PDE6A: variants seen among roughly 807,000 people sequenced by gnomAD.
The protein encoded by PDE6A is phosphodiesterase 6A.
Under a neutral mutation model 106.3 loss-of-function variants are expected in PDE6A, and 84 were observed. The observed-to-expected ratio is 0.79, with a 90% CI of 0.66 to 0.95. The LOEUF (loss-of-function observed/expected upper bound fraction) is 0.95. Ranked by LOEUF, PDE6A falls within the 40% of genes least tolerant of loss-of-function variation. The probability of loss-of-function intolerance (pLI) is 0.00; values close to 1 mark genes in which losing one functional copy is unlikely to be tolerated. For synonymous variants in PDE6A, 394 were observed against 386.6 expected, an observed-to-expected ratio of 1.02 and a Z score of -0.23; for missense variants, 1,052 against 1,084.9, an observed-to-expected ratio of 0.97 and a Z score of 0.43.
intron 7 of PDE6A, among the ~76,000 whole-genome samples, chr5:149,906,020 G>A (rs1250873171): frequency 6.6e-6 from 1 of 151,908 alleles, no homozygotes; most frequent in Admixed American, 6.6e-5. Flanking sequence ...ACCATGCCTG[G>A]CTAATTTTTA....
intron 4 of PDE6A, among the ~76,000 whole-genome samples, chr5:149,926,256 A>C (rs1364284887): frequency 6.6e-6 from 1 of 152,214 alleles, no homozygotes; most frequent in Non-Finnish European, 1.5e-5. Context: ...AAAAAAATTA[A>C]TTAAAAAAAA....
chr5:149,933,589 G>A (rs1358685526), intron 3 of PDE6A, among the ~76,000 whole-genome samples: 2 of 152,162 alleles, frequency 1.3e-5, no homozygotes, highest in South Asian at 4.1e-4. Context: ...GCATTATCTC[G>A]TTTACTATTG....
At chr5:149,902,814 T>G (rs1285521736) in intron 8 of PDE6A, among the ~76,000 whole-genome samples, 1 of 136,790 alleles carries the variant, frequency 7.3e-6, no homozygotes, top group Non-Finnish European at 1.6e-5. Context: ...AGAGCGAGAC[T>G]CCGTCTCAAA....
intron 17 of PDE6A, among the ~76,000 whole-genome samples, chr5:149,869,779 C>A (rs1000885909): frequency 1.3e-5 from 2 of 152,074 alleles, no homozygotes. Flanking sequence ...AGCAGGAGGG[C>A]AGGAGAGCTG....
chr5:149,888,944 A>G (rs1446044101), intron 13 of PDE6A, among the ~76,000 whole-genome samples: 11 of 151,716 alleles, frequency 7.3e-5, no homozygotes, highest in South Asian at 6.2e-4. Context: ...TTAGCCAGGC[A>G]TGGTGGCGGG....
chr5:149,871,485 G>A (rs1246470077), intron 17 of PDE6A, among the ~76,000 whole-genome samples: 1 of 152,066 alleles, frequency 6.6e-6, no homozygotes, highest in East Asian at 1.9e-4. Context: ...TGTAGGATGT[G>A]TAACCATTTA....
intron 4 of PDE6A, among the ~76,000 whole-genome samples, chr5:149,928,231 A>ATATATATAT: frequency 5.1e-5 from 1 of 19,746 alleles, no homozygotes; most frequent in Non-Finnish European, 8.3e-5. Context: ...ATATATATAT[A>ATATATATAT]TTTTTTTTTT....
intron 17 of PDE6A, among the ~76,000 whole-genome samples, chr5:149,880,674 C>T (rs537494068): frequency 6.6e-6 from 1 of 152,066 alleles, no homozygotes; most frequent in East Asian, 1.9e-4. Context: ...GATTGCATTC[C>T]ATCCTGGGCA....
intron 17 of PDE6A, 128 bp from the exon 18 acceptor site, chr5:149,868,286 T>C (rs2113509333): frequency 1.2e-6 from 1 of 868,230 alleles, no homozygotes. Context: ...AGGAAAGGGC[T>C]CACCCCCATT....
intron 4 of PDE6A, among the ~76,000 whole-genome samples, chr5:149,924,656 TA>T (rs2113646236): frequency 6.6e-6 from 1 of 152,324 alleles, no homozygotes; most frequent in South Asian, 2.1e-4. Context: ...CTGGAAAAAT[TA>T]CACCATCTGG....
intron 18 of PDE6A, 94 bp from the exon 19 acceptor site, chr5:149,867,893 A>G: frequency 7.6e-7 from 1 of 1,312,652 alleles, no homozygotes; most frequent in Non-Finnish European, 1.1e-6. Flanking sequence ...AAATCAACAA[A>G]AAGGATAAAC....
chr5:149,906,621 C>G (rs1451187632), intron 7 of PDE6A, among the ~76,000 whole-genome samples: 1 of 151,130 alleles, frequency 6.6e-6, no homozygotes, highest in Non-Finnish European at 1.5e-5. Flanking sequence ...TGCTGTCTTC[C>G]TGTCTCAAAT....
At chr5:149,877,809 C>A (rs1436503029) in intron 17 of PDE6A, among the ~76,000 whole-genome samples, 1 of 152,196 alleles carries the variant, frequency 6.6e-6, no homozygotes, top group Non-Finnish European at 1.5e-5. Context: ...GGTCCATTTA[C>A]ACATGAATTT....
intron 5 of PDE6A, among the ~76,000 whole-genome samples, chr5:149,919,703 A>G (rs1391645963): frequency 1.3e-5 from 2 of 152,190 alleles, no homozygotes; most frequent in Admixed American, 1.3e-4. Flanking sequence ...CTGAGTCATC[A>G]AGAGTACCTT....
intron 6 of PDE6A, among the ~76,000 whole-genome samples, chr5:149,913,094 GA>G (rs1290477750): frequency 6.6e-6 from 1 of 152,104 alleles, no homozygotes; most frequent in Non-Finnish European, 1.5e-5. Flanking sequence ...GATAATAAGG[GA>G]ATCAGGCTGG....
intron 6 of PDE6A, among the ~76,000 whole-genome samples, chr5:149,914,655 CAAA>C (rs5872151): frequency 6.5e-5 from 9 of 138,572 alleles, no homozygotes; most frequent in Non-Finnish European, 6.2e-5. Flanking sequence ...ATCCTTACAC[CAAA>C]AAAAAAAAAA....
At position 149,899,522 on chromosome 5, in the gene PDE6A, T is replaced by C. The variant is rs765265177; in HGVS notation, c.1116A>G (p.Lys372=). 1.2e-6 allele frequency: 2 copies of C among 1,614,146 alleles called. No individual in the cohort carries two copies. Among genetic ancestry groups the C allele is most frequent in the Non-Finnish European group, 1.7e-6 (2 of 1,179,980 alleles). The part of the protein sequence containing the change: ...APAEDFFAFQ[K]EPLDESGWMI... ...TCCATCCAGACTCATCCAGAGGTTC[T>C]TTCTACAAGAGAAGGGCTAGATTAG... The change falls in exon 9 of 22, where the codon AAA becomes AAG. Residue 372 remains lysine, a splice_region_variant and synonymous_variant. Coordinates refer to ENST00000255266, the MANE Select transcript of PDE6A (RefSeq NM_000440.3).
chr5:149,888,509 T>C (rs1378906929), intron 13 of PDE6A, among the ~76,000 whole-genome samples: 1 of 147,368 alleles, frequency 6.8e-6, no homozygotes, highest in Non-Finnish European at 1.5e-5. Flanking sequence ...TAACTAATAA[T>C]TAATATATTA....
intron 20 of PDE6A, among the ~76,000 whole-genome samples, chr5:149,864,786 C>T (rs544961259): frequency 6.6e-6 from 1 of 152,328 alleles, no homozygotes; most frequent in Non-Finnish European, 1.5e-5. Flanking sequence ...CCGGTCCAGG[C>T]TCTGCCACAA....
Sources: gnomAD v4.1 joint callset for allele counts (sites outside exome capture counted in the v4.1 genomes callset) on GRCh38, gnomAD v4.1.1 for gene constraint, MANE v1.5 for transcripts, NCBI Gene and HGNC (gene_info 2026-07-23, HGNC 2026-07-21) for gene names.